The following GSDMC variants were observed in gnomAD, a reference collection of about 807,000 sequenced individuals.
GSDMC encodes gasdermin-C.
Under a neutral mutation model 58.0 loss-of-function variants are expected in GSDMC, and 59 were observed. The observed-to-expected ratio is 1.02, with a 90% CI of 0.82 to 1.26. The LOEUF (loss-of-function observed/expected upper bound fraction) is 1.26. Among genes scored for constraint, GSDMC ranks in the 50% most tolerant of loss-of-function variants. The probability of loss-of-function intolerance (pLI) is 0.00; values close to 1 mark genes in which losing one functional copy is unlikely to be tolerated. For synonymous variants in GSDMC, 241 were observed against 220.2 expected, an observed-to-expected ratio of 1.09 and a Z score of -0.83; for missense variants, 659 against 598.5, an observed-to-expected ratio of 1.10 and a Z score of -1.06.
At chr8:129,716,054 T>A in the GSDMC span, among the ~76,000 whole-genome samples, 9 of 152,288 alleles carry the variant, frequency 5.9e-5, no homozygotes, top group Middle Eastern at 3.4e-3. Context: ...AAAGGAATTA[T>A]TTGTTTAAAA....
chr8:129,733,270 G>C, the GSDMC span, among the ~76,000 whole-genome samples: 2 of 152,246 alleles, frequency 1.3e-5, no homozygotes, highest in Non-Finnish European at 2.9e-5. Flanking sequence ...AACTTCTGCA[G>C]ACTTAAACAT....
At chr8:129,746,636 C>T (rs1235770894), downstream of GSDMC, among the ~76,000 whole-genome samples, 1 of 152,116 alleles carries the variant, frequency 6.6e-6, no homozygotes, top group Non-Finnish European at 1.5e-5. Context: ...TGCTTAACTT[C>T]AAGGATGAAG....
chr8:129,722,944 T>C, the GSDMC span: 1 of 152,228 alleles, frequency 6.6e-6, no homozygotes, highest in Non-Finnish European at 1.5e-5. Flanking sequence ...CATAAAACTG[T>C]AGAATGTTCA....
At chr8:129,719,556 A>G in the GSDMC span, among the ~76,000 whole-genome samples, 1 of 152,234 alleles carries the variant, frequency 6.6e-6, no homozygotes, top group Non-Finnish European at 1.5e-5. Context: ...CCACCACTCT[A>G]TATAAGCATA....
intron 3 of GSDMC, among the ~76,000 whole-genome samples, chr8:129,769,268 A>G (rs2033973486): frequency 6.6e-6 from 1 of 152,222 alleles, no homozygotes; most frequent in South Asian, 2.1e-4. Context: ...GAAAATATTG[A>G]GAGTAACAAG....
the GSDMC span, among the ~76,000 whole-genome samples, chr8:129,725,775 G>A: frequency 6.6e-6 from 1 of 152,070 alleles, no homozygotes; most frequent in African/African-American, 2.4e-5. Context: ...ATGCGCTGGG[G>A]AAAATGAAGC....
At chr8:129,725,613 C>T in the GSDMC span, among the ~76,000 whole-genome samples, 10 of 152,180 alleles carry the variant, frequency 6.6e-5, no homozygotes, top group African/African-American at 1.9e-4. Flanking sequence ...GCCACGACCA[C>T]AATATCAGGT....
At chr8:129,779,373 T>C (rs1475231831) in intron 1 of GSDMC, among the ~76,000 whole-genome samples, 1 of 152,086 alleles carries the variant, frequency 6.6e-6, no homozygotes, top group Non-Finnish European at 1.5e-5. Flanking sequence ...ATACCACATG[T>C]TTTCACTTAT....
intron 1 of GSDMC, among the ~76,000 whole-genome samples, chr8:129,782,169 A>C (rs1000335928): frequency 1.3e-5 from 2 of 152,196 alleles, no homozygotes; most frequent in Admixed American, 1.3e-4. Context: ...TCTTGACACA[A>C]ATGATAATGC....
intron 12 of GSDMC, 72 bp downstream of exon 12, chr8:129,749,918 C>A: frequency 7.7e-7 from 1 of 1,306,478 alleles, no homozygotes; most frequent in Non-Finnish European, 1.1e-6. Flanking sequence ...GACACAGCAT[C>A]TAACACAGCT....
the GSDMC span, chr8:129,730,467 T>C: frequency 1.1e-6 from 1 of 926,390 alleles, no homozygotes; most frequent in Non-Finnish European, 1.5e-6. Flanking sequence ...ATTCATACAC[T>C]TTTGTAGCTT....
the GSDMC span, among the ~76,000 whole-genome samples, chr8:129,718,760 T>C: frequency 2.6e-5 from 4 of 152,152 alleles, no homozygotes; most frequent in African/African-American, 2.4e-5. Flanking sequence ...CTATTCACAA[T>C]AGCAAAGACT....
intron 9 of GSDMC, 34 bp downstream of exon 9, chr8:129,751,828 T>TGCCCCCCCC: frequency 1.3e-6 from 2 of 1,576,994 alleles, no homozygotes; most frequent in Non-Finnish European, 1.7e-6. Flanking sequence ...CAGGATGGGA[T>TGCCCCCCCC]CCCCACCCCC....
chr8:129,764,928 A>G (rs1424102263), intron 4 of GSDMC, among the ~76,000 whole-genome samples: 1 of 152,082 alleles, frequency 6.6e-6, no homozygotes, highest in Non-Finnish European at 1.5e-5. Flanking sequence ...GTCTGTTACC[A>G]TTTGTCCACT....
intron 12 of GSDMC, 143 bp downstream of exon 12, chr8:129,749,847 C>T (rs1409438476): frequency 1.5e-5 from 10 of 687,400 alleles, no homozygotes; most frequent in Non-Finnish European, 2.5e-5. Flanking sequence ...AGTGAGCCCT[C>T]TGACCTTAGA....
chr8:129,761,511 A>G (rs138304061), intron 5 of GSDMC, among the ~76,000 whole-genome samples: 9 of 152,338 alleles, frequency 5.9e-5, no homozygotes, highest in Non-Finnish European at 8.8e-5. Flanking sequence ...ACCTGATTCT[A>G]TCTGGATACT....
At position 129,752,708 on chromosome 8, in the gene GSDMC, C is replaced by G; in HGVS notation, c.834G>C (p.Lys278Asn). ...TLFNASSNDM[K>N]LKPELFLTQQ... ...GAGCAATCACAGTACCTGGTTTTAA[C>G]TTCATATCATTGGATGAGGCATTGA... The change falls in exon 7 of 14, where the codon AAG becomes AAC. Residue 278 changes from lysine to asparagine, a missense_variant. Transcript: ENST00000276708. The G allele has an allele frequency of 6.2e-7, 1 of 1,614,180 alleles. No homozygotes were observed. Among genetic ancestry groups the G allele is most frequent in the Non-Finnish European group, 8.5e-7 (1 of 1,180,016 alleles).
chr8:129,756,884 A>T (rs1488600594), intron 6 of GSDMC, among the ~76,000 whole-genome samples: 1 of 152,160 alleles, frequency 6.6e-6, no homozygotes, highest in Non-Finnish European at 1.5e-5. Context: ...AACATACCAA[A>T]AGCTGTGGGA....
chr8:129,768,177 C>T (rs2033931679), intron 3 of GSDMC, among the ~76,000 whole-genome samples: 1 of 152,216 alleles, frequency 6.6e-6, no homozygotes, highest in Non-Finnish European at 1.5e-5. Flanking sequence ...GCAAGCCACA[C>T]TTATTCATGA....
Sources: gnomAD v4.1 joint callset for allele counts (sites outside exome capture counted in the v4.1 genomes callset) on GRCh38, gnomAD v4.1.1 for gene constraint, MANE v1.5 for transcripts, NCBI Gene and HGNC (gene_info 2026-07-23, HGNC 2026-07-21) for gene names.